Variants in AVEN observed in about 807,000 individuals in gnomAD.
The protein encoded by AVEN is cell death regulator Aven.
A neutral mutation model predicts 38.1 loss-of-function variants in AVEN; 41 were observed. The observed-to-expected ratio is 1.08, with a 90% CI of 0.84 to 1.40. The LOEUF is 1.40. Among genes scored for constraint, AVEN ranks in the 40% most tolerant of loss-of-function variants. AVEN has a pLI of 0.00. For synonymous variants in AVEN, 206 were observed against 171.8 expected (o/e 1.20, Z -1.56); for missense variants, 605 against 438.8 (o/e 1.38, Z -3.38).
intron 5 of AVEN, among the ~76,000 whole-genome samples, chr15:34,044,935 C>G (rs922999198): frequency 1.5e-4 from 23 of 152,168 alleles, no homozygotes; most frequent in Middle Eastern, 3.2e-3. Flanking sequence ...GTAGTCCCAG[C>G]TACTCAGGAG....
At chr15:33,982,729 A>G (rs1896209029) in intron 2 of AVEN, among the ~76,000 whole-genome samples, 1 of 152,188 alleles carries the variant, frequency 6.6e-6, no homozygotes, top group Non-Finnish European at 1.5e-5. Context: ...GTTATGTTGT[A>G]CATCCAAATA....
intron 2 of AVEN, among the ~76,000 whole-genome samples, chr15:33,915,487 G>C (rs146764946): frequency 9.2e-5 from 14 of 152,318 alleles, no homozygotes. Flanking sequence ...TGAAATACAG[G>C]AGTAGAAGAA....
intron 3 of AVEN, among the ~76,000 whole-genome samples, 189 bp downstream of exon 3, chr15:33,875,736 G>C (rs746905132): frequency 6.6e-6 from 1 of 152,106 alleles, no homozygotes. Flanking sequence ...CAGGTAGAAA[G>C]GTGAACTCTA....
At chr15:33,943,252 C>T (rs536959552) in intron 2 of AVEN, among the ~76,000 whole-genome samples, 1 of 152,302 alleles carries the variant, frequency 6.6e-6, no homozygotes, top group African/African-American at 2.4e-5. Context: ...TATATATACA[C>T]TATGGAACAT....
downstream of AVEN, among the ~76,000 whole-genome samples, chr15:33,863,149 T>C (rs907069541): frequency 6.6e-6 from 1 of 152,102 alleles, no homozygotes; most frequent in East Asian, 1.9e-4. Flanking sequence ...CTATCCCCTC[T>C]AGGAGCAAGC....
In AVEN at chr15:34,073,982, TC is replaced by T. The variant is rs1900684181; in HGVS notation, n.720+453del. On this transcript the variant is annotated intron_variant and non_coding_transcript_variant, in intron 1 of 11. Transcript: ENST00000675287. ...TGTTTGGAGGAACTTTCTTTTTTCT[TC>T]TTCTTCTTTTTTTTTTTTTTTTTTT... Among the ~76,000 whole-genome samples the T allele has an allele frequency of 2.2e-4, 8 of 36,322 alleles. 1 individual carries two copies. Among genetic ancestry groups the T allele is most frequent in the Admixed American group, 7.3e-4 (2 of 2,732 alleles). The allele number at this position is 36,322 out of a possible 152,430, so 23.8% of individuals were successfully genotyped here.
At chr15:33,984,833 A>T (rs576507805) in intron 2 of AVEN, among the ~76,000 whole-genome samples, 313 of 152,270 alleles carry the variant, frequency 2.1e-3, no homozygotes, top group East Asian at 2.1e-3. Flanking sequence ...ATCACACCCA[A>T]TAACCACAAA....
chr15:34,063,660 C>A lies in AVEN; in HGVS notation n.1127-228G>T, dbSNP rs1900426035. ...CCCTTCCTCAGAGGATGAGGACAAG[C>A]CCGCCACTGACCCTGTCCTCCAAGT... On this transcript the variant is annotated intron_variant and non_coding_transcript_variant, in intron 4 of 11. Transcript: ENST00000675287. This position sits in a 1 kb window ranked among gnomAD's most constrained non-coding sequence, Gnocchi z 4.1. The A allele has an allele frequency of 6.2e-7, 1 of 1,614,026 alleles. No homozygotes were observed. The highest frequency in any genetic ancestry group is 1.3e-5 in the African/African-American group (1 of 74,914).
intron 5 of AVEN, among the ~76,000 whole-genome samples, chr15:34,049,028 A>AC (rs1899831808): frequency 6.6e-6 from 1 of 152,116 alleles, no homozygotes; most frequent in Non-Finnish European, 1.5e-5. Context: ...AACAGAAAAG[A>AC]CCCCACAAAA....
At chr15:33,856,653 TGTTTGTTTG>T (rs1368263393), downstream of AVEN, 1 of 79,124 alleles carries the variant, frequency 1.3e-5, no homozygotes, top group African/African-American at 5.5e-5. Flanking sequence ...TTGGGTTTTT[TGTTTGTTTG>T]TTTGTTTGTT....
At chr15:34,061,076 T>G (rs1393775971) in intron 5 of AVEN, among the ~76,000 whole-genome samples, 1 of 152,116 alleles carries the variant, frequency 6.6e-6, no homozygotes, top group East Asian at 1.9e-4. Flanking sequence ...CAAGGTGGTG[T>G]TTGTTATATA....
At chr15:33,903,325 T>C (rs1755314540) in intron 2 of AVEN, among the ~76,000 whole-genome samples, 1 of 152,218 alleles carries the variant, frequency 6.6e-6, no homozygotes, top group African/African-American at 2.4e-5. Context: ...GCAGTGCTCA[T>C]GTGTGCAGCA....
intron 2 of AVEN, among the ~76,000 whole-genome samples, chr15:33,891,974 T>A (rs1891991806): frequency 6.6e-6 from 1 of 152,274 alleles, no homozygotes; most frequent in African/African-American, 2.4e-5. Context: ...ATTTCTCTGA[T>A]GACCAGTGAT....
chr15:33,976,135 G>A (rs638169), intron 2 of AVEN, among the ~76,000 whole-genome samples: 117,892 of 152,066 alleles, frequency 0.78, 52,933 homozygotes, highest in Non-Finnish European at 0.98. Flanking sequence ...ACAACCAGCA[G>A]GATATATTGG....
chr15:33,967,939 G>GAAA (rs1283864169), intron 2 of AVEN, among the ~76,000 whole-genome samples: 1 of 148,696 alleles, frequency 6.7e-6, no homozygotes, highest in Non-Finnish European at 1.5e-5. Context: ...ATACATTTAG[G>GAAA]AAAAAAAAAA....
chr15:33,861,691 T>G (rs1265577698), downstream of AVEN, among the ~76,000 whole-genome samples: 1 of 152,230 alleles, frequency 6.6e-6, no homozygotes, highest in Non-Finnish European at 1.5e-5. Context: ...CAAAGGGGCC[T>G]GTAACCTGCA....
intron 1 of AVEN, among the ~76,000 whole-genome samples, chr15:34,031,721 C>G (rs532984048): frequency 2.9e-4 from 44 of 152,142 alleles, no homozygotes; most frequent in Middle Eastern, 3.4e-3. Flanking sequence ...CAGTGTTGTT[C>G]TTCACAGGAA....
At chr15:34,040,195 T>C (rs1241175172), upstream of AVEN, among the ~76,000 whole-genome samples, 1 of 152,022 alleles carries the variant, frequency 6.6e-6, no homozygotes, top group Non-Finnish European at 1.5e-5. Flanking sequence ...GCCCCTGCCC[T>C]CAAGTAGCTC....
chr15:34,069,002 G>A (rs948426128), intron 2 of AVEN, among the ~76,000 whole-genome samples: 4 of 151,692 alleles, frequency 2.6e-5, no homozygotes, highest in Non-Finnish European at 4.4e-5. Flanking sequence ...TAGTAGAGAC[G>A]GGGTTTCACC....
Sources: gnomAD v4.1 joint callset for allele counts (sites outside exome capture counted in the v4.1 genomes callset) on GRCh38, gnomAD v4.1.1 for gene constraint, Gnocchi (gnomAD v3.1) non-coding constraint, MANE v1.5 for transcripts, NCBI Gene and HGNC (gene_info 2026-07-23, HGNC 2026-07-21) for gene names.